Variants in PRKCH observed in about 807,000 individuals in gnomAD.
PRKCH encodes the protein protein kinase C eta type.
Under a neutral mutation model 82.5 loss-of-function variants are expected in PRKCH, and 28 were observed. The observed-to-expected ratio is 0.34, with a 90% CI of 0.25 to 0.47. The LOEUF (loss-of-function observed/expected upper bound fraction) is 0.47. PRKCH is among the 20% of genes least tolerant of loss of function. PRKCH has a pLI of 1.00. For synonymous variants in PRKCH, 322 were observed against 327.4 expected (o/e 0.98, Z 0.18); for missense variants, 705 against 881.8 (o/e 0.80, Z 2.54).
At chr14:61,380,994 A>T (rs1048951814) in intron 1 of PRKCH, among the ~76,000 whole-genome samples, 4 of 152,154 alleles carry the variant, frequency 2.6e-5, no homozygotes, top group African/African-American at 7.2e-5. Context: ...TTCAGCTGGG[A>T]GGGGAGAAAT....
intron 1 of PRKCH, among the ~76,000 whole-genome samples, chr14:61,192,845 C>T (rs1053318402): frequency 2.6e-5 from 4 of 152,188 alleles, no homozygotes; most frequent in African/African-American, 9.7e-5. Flanking sequence ...CTTCACCTTC[C>T]CTTCCTTTTA....
At chr14:61,230,955 A>G (rs1056953965) in intron 1 of PRKCH, among the ~76,000 whole-genome samples, 6 of 152,254 alleles carry the variant, frequency 3.9e-5, no homozygotes, top group African/African-American at 1.4e-4. Context: ...TCCACCATCA[A>G]TTTAATTTAG....
chr14:61,460,273 T>A lies in PRKCH; in HGVS notation c.1278+2594T>A, dbSNP rs115914053. On this transcript the variant is annotated intron_variant, in intron 9 of 13. Coordinates refer to ENST00000332981, the MANE Select transcript of PRKCH (RefSeq NM_006255.5). ...ATTTTAGAACATGACATAATTAATTTAACTTTTCCTCCTCTGTTGCTATGT... is the reference window on the plus strand; with the variant it reads ...ATTTTAGAACATGACATAATTAATTAAACTTTTCCTCCTCTGTTGCTATGT... Among the ~76,000 whole-genome samples, 508 of 152,370 alleles carry A rather than the reference T, an allele frequency of 3.3e-3. 4 individuals are homozygous for A. The highest frequency in any genetic ancestry group is 0.012 in the African/African-American group (486 of 41,578).
Position 61,443,127 on chromosome 14 carries a change from C to T in PRKCH, c.444C>T (p.Asp148=), listed in dbSNP as rs1350216047. ...GSFTEATLQR[D]RIFKHFTRKR... is the part of the protein sequence containing the mutation. ...AATATATAGCTACTCTCCAGAGAGACCGGATCTTCAAACATTTTACCAGGA... is the reference window on the plus strand; with the variant it reads ...AATATATAGCTACTCTCCAGAGAGATCGGATCTTCAAACATTTTACCAGGA... The change falls in exon 3 of 14, where the codon GAC becomes GAT. Residue 148 remains aspartate, a synonymous_variant. Transcript: ENST00000332981. 1.2e-6 allele frequency: 2 copies of T among 1,613,876 alleles called. No homozygotes were observed. The highest frequency in any genetic ancestry group is 8.5e-7 in the Non-Finnish European group (1 of 1,179,824).
intron 1 of PRKCH, among the ~76,000 whole-genome samples, chr14:61,196,355 G>A (rs569157483): frequency 2.0e-5 from 3 of 152,262 alleles, no homozygotes; most frequent in Admixed American, 6.5e-5. Flanking sequence ...ATTGATAATG[G>A]CCCAGTTTCC....
At chr14:61,386,456 A>G (rs1338545763) in intron 1 of PRKCH, among the ~76,000 whole-genome samples, 1 of 152,162 alleles carries the variant, frequency 6.6e-6, no homozygotes. Context: ...GGAGTGGAGC[A>G]GGGGTAGATC....
At chr14:61,230,695 C>A (rs1594863655) in intron 1 of PRKCH, among the ~76,000 whole-genome samples, 2 of 152,202 alleles carry the variant, frequency 1.3e-5, no homozygotes, top group Admixed American at 1.3e-4. Context: ...CCACTGTCCC[C>A]CAACACATAC....
chr14:61,316,362 A>G (rs1363133611), intron 1 of PRKCH, among the ~76,000 whole-genome samples: 1 of 152,230 alleles, frequency 6.6e-6, no homozygotes, highest in East Asian at 1.9e-4. Flanking sequence ...CAGTGATTCA[A>G]TCAAGCAACC....
chr14:61,243,760 G>C (rs1276708872), intron 1 of PRKCH, among the ~76,000 whole-genome samples: 3 of 152,002 alleles, frequency 2.0e-5, no homozygotes, highest in Non-Finnish European at 4.4e-5. Context: ...CCAATTCAAT[G>C]GACTCATCCT....
At chr14:61,193,808 G>A (rs1318831433) in intron 1 of PRKCH, among the ~76,000 whole-genome samples, 1 of 152,118 alleles carries the variant, frequency 6.6e-6, no homozygotes, top group African/African-American at 2.4e-5. Flanking sequence ...GGATATATTG[G>A]GCCAGAAAGC....
intron 1 of PRKCH, among the ~76,000 whole-genome samples, chr14:61,274,484 G>C (rs1182757542): frequency 1.3e-5 from 2 of 152,188 alleles, no homozygotes; most frequent in African/African-American, 4.8e-5. Flanking sequence ...CAATTAGGAG[G>C]CTTCTCCAAC....
intron 9 of PRKCH, among the ~76,000 whole-genome samples, chr14:61,472,029 CAGCT>C (rs1885528084): frequency 1.3e-5 from 2 of 152,268 alleles, no homozygotes; most frequent in East Asian, 1.9e-4. Flanking sequence ...GGGCTCATTA[CAGCT>C]GTTGGTGCCT....
chr14:61,260,076 G>GT (rs1389525501), intron 1 of PRKCH, among the ~76,000 whole-genome samples: 6 of 152,140 alleles, frequency 3.9e-5, no homozygotes, highest in Non-Finnish European at 8.8e-5. Context: ...TGAAACTTCC[G>GT]TATCAAACAA....
chr14:61,496,070 GGGA>G (rs578206627), intron 10 of PRKCH, among the ~76,000 whole-genome samples: 3 of 152,286 alleles, frequency 2.0e-5, no homozygotes, highest in Admixed American at 2.0e-4. Flanking sequence ...AGTGCGCAGT[GGGA>G]TCAAGGAGCA....
chr14:61,259,821 G>A (rs189539255), intron 1 of PRKCH, among the ~76,000 whole-genome samples: 1 of 152,066 alleles, frequency 6.6e-6, no homozygotes, highest in South Asian at 2.1e-4. Context: ...CATTTTCCCC[G>A]ATTTGTTTTA....
rs112738329 is a variant in PRKCH, at chr14:61,526,520, A to G, written c.1434-2555A>G. 1.8e-3 allele frequency among the ~76,000 whole-genome samples: 274 copies of G among 152,252 alleles called. 2 individuals are homozygous for G. Among genetic ancestry groups the G allele is most frequent in the African/African-American group, 6.3e-3 (260 of 41,544 alleles). On this transcript the variant is annotated intron_variant, in intron 10 of 13. Transcript: ENST00000332981. ...TTTTCTAGTGGCCATTTTCTGTAAG[A>G]CCTGTATGGCCAGGCTGTATCAACT...
chr14:61,462,588 G>T (rs1208591718), intron 9 of PRKCH, among the ~76,000 whole-genome samples: 1 of 152,174 alleles, frequency 6.6e-6, no homozygotes, highest in Non-Finnish European at 1.5e-5. Flanking sequence ...CCCATTTACT[G>T]TTGGAAAACT....
At chr14:61,257,969 T>C (rs2045013951) in intron 1 of PRKCH, among the ~76,000 whole-genome samples, 1 of 114,308 alleles carries the variant, frequency 8.7e-6, no homozygotes, top group African/African-American at 2.5e-5. Flanking sequence ...TCATTCGTTT[T>C]ATGGATTTTT....
Position 61,229,315 on chromosome 14 carries a change from G to T in PRKCH, c.-19+41647G>T, listed in dbSNP as rs538172607. ...AGGCGCTAAGTATACTGTACAATGG[G>T]CTCCTGAACTTGGAGATAGATTGCA... On this transcript the variant is annotated intron_variant, in intron 1 of 3. Coordinates refer to the PRKCH transcript ENST00000555185. Among the ~76,000 whole-genome samples the T allele has an allele frequency of 3.9e-4, 60 of 152,272 alleles. No homozygotes were observed. The South Asian group carries it at 0.012, about 32-fold the overall frequency.
Sources: gnomAD v4.1 joint callset for allele counts (sites outside exome capture counted in the v4.1 genomes callset) on GRCh38, gnomAD v4.1.1 for gene constraint, MANE v1.5 for transcripts, NCBI Gene and HGNC (gene_info 2026-07-23, HGNC 2026-07-21) for gene names.